Variants in ANTXR1 observed in about 807,000 individuals in gnomAD.
ANTXR1 encodes anthrax toxin receptor 1.
A neutral mutation model predicts 78.1 loss-of-function variants in ANTXR1; 19 were observed. That is an observed-to-expected ratio of 0.24 (90% CI 0.17 to 0.36). ANTXR1 has a LOEUF of 0.36. ANTXR1 is among the 10% of genes least tolerant of loss of function. The pLI is 1.00. For synonymous variants in ANTXR1, 273 were observed against 260.5 expected (o/e 1.05, Z -0.46); for missense variants, 518 against 718.6 (o/e 0.72, Z 3.19).
intron 9 of ANTXR1, among the ~76,000 whole-genome samples, chr2:69,094,130 C>T (rs537337425): frequency 6.6e-6 from 1 of 152,252 alleles, no homozygotes; most frequent in South Asian, 2.1e-4. Flanking sequence ...TTTCATTGTC[C>T]GGATGCCTGT....
At chr2:69,236,157 A>G (rs1301045723) in intron 17 of ANTXR1, among the ~76,000 whole-genome samples, 1 of 152,176 alleles carries the variant, frequency 6.6e-6, no homozygotes, top group Non-Finnish European at 1.5e-5. Context: ...ACCTAACCCT[A>G]TCAACCAGTT....
At chr2:69,075,941 GT>G (rs1204059817) in intron 7 of ANTXR1, among the ~76,000 whole-genome samples, 4 of 152,040 alleles carry the variant, frequency 2.6e-5, no homozygotes, top group Non-Finnish European at 5.9e-5. Flanking sequence ...TGGAAAACGG[GT>G]TTTTTCTGTT....
At chr2:69,152,073 G>A (rs983121550) in intron 12 of ANTXR1, 96 bp from the exon 13 acceptor site, 24 of 1,250,230 alleles carry the variant, frequency 1.9e-5, no homozygotes, top group Non-Finnish European at 2.7e-5. Context: ...GCTGCTCTCT[G>A]AGCCTTAAAT....
chr2:69,130,640 G>C (rs1037018295), intron 12 of ANTXR1, among the ~76,000 whole-genome samples: 2 of 152,150 alleles, frequency 1.3e-5, no homozygotes, highest in African/African-American at 4.8e-5. Flanking sequence ...AAGTATATAA[G>C]GGGCTTGAGG....
intron 12 of ANTXR1, chr2:69,135,089 C>CTACTCAAATATTGTTTA: frequency 2.6e-6 from 1 of 390,564 alleles, no homozygotes; most frequent in Non-Finnish European, 5.4e-6. Context: ...TGTTTATGAA[C>CTACTCAAATATTGTTTA]TGAAATAAAA....
At chr2:69,159,592 A>G (rs775190402) in intron 13 of ANTXR1, among the ~76,000 whole-genome samples, 2 of 152,340 alleles carry the variant, frequency 1.3e-5, no homozygotes, top group South Asian at 4.1e-4. Flanking sequence ...CCAACTAGTT[A>G]AAACACCACA....
intron 3 of ANTXR1, among the ~76,000 whole-genome samples, chr2:69,045,099 C>T (rs937414624): frequency 1.1e-4 from 17 of 152,072 alleles, no homozygotes; most frequent in Admixed American, 9.2e-4. Context: ...TAACTTGGAG[C>T]GAAATGTTGG....
chr2:69,188,462 A>T (rs1312571157), intron 16 of ANTXR1, among the ~76,000 whole-genome samples: 1 of 152,268 alleles, frequency 6.6e-6, no homozygotes, highest in Non-Finnish European at 1.5e-5. Context: ...TTGCTTAGAA[A>T]GAAACCAAAG....
rs376491228 is a variant in ANTXR1, at chr2:69,205,822, AG to A, written c.1434+12409del. On this transcript the variant is annotated intron_variant, in intron 17 of 17. Coordinates refer to ENST00000303714, the MANE Select transcript of ANTXR1 (RefSeq NM_032208.3). ...TCTAGGGACATGTCCAGATAAAATG[AG>A]GCTGATTAAAACTTTAAAACACTAA... Among the ~76,000 whole-genome samples the A allele has an allele frequency of 1.4e-4, 21 of 152,290 alleles. No homozygotes were observed. In the East Asian group the frequency reaches 3.7e-3, roughly 27 times the overall value.
intron 9 of ANTXR1, among the ~76,000 whole-genome samples, chr2:69,096,882 A>G: frequency 6.6e-6 from 1 of 152,220 alleles, no homozygotes; most frequent in East Asian, 1.9e-4. Context: ...CCCAGTACCC[A>G]GGCCAAGCAT....
chr2:69,168,422 C>T (rs551579429), intron 13 of ANTXR1, among the ~76,000 whole-genome samples: 3 of 152,310 alleles, frequency 2.0e-5, no homozygotes, highest in African/African-American at 7.2e-5. Flanking sequence ...CAGGAGAAGG[C>T]AGGTCTGGAA....
chr2:69,171,424 G>C (rs754019092), intron 14 of ANTXR1, among the ~76,000 whole-genome samples: 2 of 152,208 alleles, frequency 1.3e-5, no homozygotes, highest in Non-Finnish European at 2.9e-5. Flanking sequence ...AGAAAGTACC[G>C]TGGCTAGTTC....
chr2:69,228,446 AAAAG>A (rs760086799), intron 17 of ANTXR1, among the ~76,000 whole-genome samples: 1 of 152,218 alleles, frequency 6.6e-6, no homozygotes, highest in Admixed American at 6.5e-5. Context: ...CATGTTGCTC[AAAAG>A]AAAGAGCATA....
intron 8 of ANTXR1, among the ~76,000 whole-genome samples, chr2:69,084,696 G>A (rs1215929933): frequency 2.0e-5 from 3 of 147,532 alleles, no homozygotes; most frequent in Non-Finnish European, 4.4e-5. Context: ...CTCCCAAAAT[G>A]CTGGACTTAC....
intron 17 of ANTXR1, among the ~76,000 whole-genome samples, chr2:69,207,395 C>T (rs1674931561): frequency 6.6e-6 from 1 of 152,078 alleles, no homozygotes; most frequent in South Asian, 2.1e-4. Context: ...ATAAGGCTTC[C>T]CCAGAAATAC....
At chr2:69,211,432 G>A (rs1675041496) in intron 17 of ANTXR1, among the ~76,000 whole-genome samples, 1 of 151,918 alleles carries the variant, frequency 6.6e-6, no homozygotes, top group Admixed American at 6.6e-5. Context: ...TCTGACATAA[G>A]GGAATTTTTA....
chr2:69,124,745 TG>T, intron 12 of ANTXR1, 102 bp downstream of exon 12: 1 of 1,253,978 alleles, frequency 8.0e-7, no homozygotes, highest in Non-Finnish European at 1.2e-6. Context: ...GAAAGTTTTT[TG>T]GTTCTTCGTT....
chr2:69,072,555 T>G (rs1473921336), intron 5 of ANTXR1, among the ~76,000 whole-genome samples: 2 of 152,212 alleles, frequency 1.3e-5, no homozygotes, highest in Non-Finnish European at 2.9e-5. Context: ...CTGCTATAAT[T>G]CTTCCAGTCA....
At chr2:69,091,606 G>A (rs935438541) in intron 9 of ANTXR1, among the ~76,000 whole-genome samples, 3 of 152,116 alleles carry the variant, frequency 2.0e-5, no homozygotes, top group African/African-American at 7.2e-5. Flanking sequence ...AGGCCCTGCA[G>A]ATACCAGACA....
Sources: allele counts gnomAD v4.1 joint callset (sites outside exome capture counted in the v4.1 genomes callset), GRCh38; gene constraint gnomAD v4.1.1; transcripts MANE v1.5; gene names NCBI Gene and HGNC (gene_info 2026-07-23, HGNC 2026-07-21).